The following FAM135B variants were observed in gnomAD, a reference collection of about 807,000 sequenced individuals.
The protein encoded by FAM135B is protein FAM135B.
FAM135B carries 43 observed loss-of-function variants against 127.7 expected under a neutral mutation model. The observed-to-expected ratio is 0.34, with a 90% CI of 0.26 to 0.43. The LOEUF is 0.43. Among genes scored for constraint, FAM135B ranks in the 20% least tolerant of loss-of-function variants. FAM135B has a pLI of 1.00. For missense variants in FAM135B, 1,558 were observed against 1,725.6 expected, an observed-to-expected ratio of 0.90 and a Z score of 1.72; for synonymous variants, 670 against 665.1, an observed-to-expected ratio of 1.01 and a Z score of -0.11.
At chr8:138,473,466 T>A (rs1177901209) in intron 1 of FAM135B, among the ~76,000 whole-genome samples, 1 of 152,110 alleles carries the variant, frequency 6.6e-6, no homozygotes, top group Non-Finnish European at 1.5e-5. Flanking sequence ...ATAGATCCCA[T>A]CTTCCTGTAA....
intron 12 of FAM135B, among the ~76,000 whole-genome samples, chr8:138,156,329 C>T (rs563594968): frequency 1.3e-5 from 2 of 152,216 alleles, no homozygotes; most frequent in South Asian, 4.2e-4. Context: ...ACTAAATGCC[C>T]ACAAGAGAAA....
chr8:138,395,566 ATTAAT>A (rs1832802420), intron 1 of FAM135B, among the ~76,000 whole-genome samples: 2 of 152,170 alleles, frequency 1.3e-5, no homozygotes, highest in Admixed American at 1.3e-4. Flanking sequence ...CAAAGATGGG[ATTAAT>A]TTAGTCTTTC....
At chr8:138,497,671 C>T (rs759523283), upstream of FAM135B, among the ~76,000 whole-genome samples, 5 of 152,108 alleles carry the variant, frequency 3.3e-5, no homozygotes, top group Non-Finnish European at 5.9e-5. Context: ...CCAGCCGGCC[C>T]GTCATCCGAT....
chr8:138,458,975 T>C (rs1836965860), intron 1 of FAM135B: 1 of 152,108 alleles, frequency 6.6e-6, no homozygotes, highest in African/African-American at 2.4e-5. Context: ...TACATGTGTG[T>C]GAAATTCCCT....
intron 2 of FAM135B, among the ~76,000 whole-genome samples, chr8:138,364,617 C>G (rs1421665570): frequency 6.6e-6 from 1 of 152,158 alleles, no homozygotes; most frequent in Non-Finnish European, 1.5e-5. Context: ...TATTCCTAAT[C>G]TTCTGGGCGA....
intron 1 of FAM135B, among the ~76,000 whole-genome samples, chr8:138,491,108 TC>T (rs1815176391): frequency 7.5e-6 from 1 of 132,590 alleles, no homozygotes; most frequent in African/African-American, 2.9e-5. Context: ...GCCATTGCAC[TC>T]CCAGCCTAGG....
chr8:138,416,393 G>T (rs1239643977), intron 1 of FAM135B, among the ~76,000 whole-genome samples: 3 of 152,104 alleles, frequency 2.0e-5, no homozygotes, highest in Non-Finnish European at 4.4e-5. Flanking sequence ...CTGTTGTTTT[G>T]CACAATGTTT....
chr8:138,405,649 T>C (rs1309162580), intron 1 of FAM135B, among the ~76,000 whole-genome samples: 1 of 152,156 alleles, frequency 6.6e-6, no homozygotes, highest in Non-Finnish European at 1.5e-5. Flanking sequence ...ATCTTTGCTA[T>C]TGTGAATAGT....
At chr8:138,469,819 T>G (rs576676017) in intron 1 of FAM135B, among the ~76,000 whole-genome samples, 9 of 152,232 alleles carry the variant, frequency 5.9e-5, no homozygotes, top group African/African-American at 2.2e-4. Flanking sequence ...ACATTTACAG[T>G]CCCCAACACA....
At chr8:138,322,265 A>T (rs565409886) in intron 2 of FAM135B, among the ~76,000 whole-genome samples, 1 of 152,318 alleles carries the variant, frequency 6.6e-6, no homozygotes, top group East Asian at 1.9e-4. Flanking sequence ...GACTCAAAAC[A>T]GCTCCTCTGC....
At chr8:138,464,457 C>T (rs971737894) in intron 1 of FAM135B, among the ~76,000 whole-genome samples, 1 of 152,140 alleles carries the variant, frequency 6.6e-6, no homozygotes, top group Non-Finnish European at 1.5e-5. Context: ...CCCCTTAGAA[C>T]AGAGGTTTAA....
chr8:138,319,631 G>C (rs1007088706), intron 2 of FAM135B, among the ~76,000 whole-genome samples: 8 of 152,054 alleles, frequency 5.3e-5, no homozygotes, highest in African/African-American at 1.7e-4. Flanking sequence ...ACTCCTTCTG[G>C]GATATAGTAA....
At chr8:138,406,567 A>C (rs1293141309) in intron 1 of FAM135B, among the ~76,000 whole-genome samples, 1 of 152,044 alleles carries the variant, frequency 6.6e-6, no homozygotes, top group Admixed American at 6.6e-5. Context: ...CACCATGATC[A>C]AGTGGGCTTC....
intron 3 of FAM135B, among the ~76,000 whole-genome samples, chr8:138,283,398 A>T (rs1337334376): frequency 1.3e-5 from 2 of 148,472 alleles, no homozygotes; most frequent in African/African-American, 5.0e-5. Context: ...GACATTCTGA[A>T]AAAGACAAAA....
chr8:138,349,187 A>T (rs1394553740), intron 2 of FAM135B, among the ~76,000 whole-genome samples: 1 of 152,246 alleles, frequency 6.6e-6, no homozygotes, highest in Admixed American at 6.5e-5. Context: ...AACAAAAGCA[A>T]AGGATGTACC....
intron 1 of FAM135B, among the ~76,000 whole-genome samples, chr8:138,443,286 T>C (rs1835917422): frequency 6.6e-6 from 1 of 152,204 alleles, no homozygotes; most frequent in African/African-American, 2.4e-5. Context: ...GGTCTATCCA[T>C]TCAAATATTC....
intron 1 of FAM135B, among the ~76,000 whole-genome samples, chr8:138,426,260 ACAT>A (rs985035917): frequency 1.3e-5 from 2 of 151,064 alleles, no homozygotes; most frequent in African/African-American, 4.8e-5. Context: ...GCACAAAATA[ACAT>A]CATAATATGG....
chr8:138,366,917 C>G (rs964327847), intron 2 of FAM135B, among the ~76,000 whole-genome samples: 1 of 152,090 alleles, frequency 6.6e-6, no homozygotes, highest in African/African-American at 2.4e-5. Flanking sequence ...GTGTATTTCC[C>G]CTCTTGATAG....
In FAM135B at chr8:138,242,837, A is replaced by G; in HGVS notation, c.669+105T>C. Reference sequence around the variant, plus strand: ...GTGAAAGGAAGGGTCAAATTAGCAAAAATCTCTGAAGGGGATGTTTCAAAG... The same window carrying G: ...GTGAAAGGAAGGGTCAAATTAGCAAGAATCTCTGAAGGGGATGTTTCAAAG... On this transcript the variant is annotated intron_variant, in intron 7 of 19. Coordinates refer to ENST00000395297, the MANE Select transcript of FAM135B (RefSeq NM_015912.4). This position sits in a 1 kb window ranked among gnomAD's most constrained non-coding sequence, Gnocchi z 9.6. 1 of 1,455,578 alleles carries G rather than the reference A, an allele frequency of 6.9e-7. No homozygotes were observed. Among genetic ancestry groups the G allele is most frequent in the Non-Finnish European group, 9.1e-7 (1 of 1,094,086 alleles). 90.2% of individuals were successfully genotyped at this position (1,455,578 alleles called of 1,614,324 possible). A position where few individuals can be genotyped will look rare whatever the true frequency, so the allele number is the denominator to read the frequency against.
Sources: allele counts gnomAD v4.1 joint callset (sites outside exome capture counted in the v4.1 genomes callset), GRCh38; gene constraint gnomAD v4.1.1; non-coding constraint Gnocchi (gnomAD v3.1); transcripts MANE v1.5; gene names NCBI Gene and HGNC (gene_info 2026-07-23, HGNC 2026-07-21).